Variants in SLC24A1 observed in about 807,000 individuals in gnomAD.
SLC24A1 encodes solute carrier family 24 member 1, also known as sodium/potassium/calcium exchanger 1.
A neutral mutation model predicts 88.1 loss-of-function variants in SLC24A1; 52 were observed. That is an observed-to-expected ratio of 0.59 (90% CI 0.47 to 0.74). SLC24A1 has a LOEUF of 0.74. Among genes scored for constraint, SLC24A1 ranks in the 30% least tolerant of loss-of-function variants. The pLI, the probability that SLC24A1 is intolerant of heterozygous loss-of-function variation, is 0.00. For missense variants in SLC24A1, 1,173 were observed against 1,363.3 expected (o/e 0.86, Z 2.20); for synonymous variants, 455 against 498.0 (o/e 0.91, Z 1.15).
chr15:65,615,126 T>C (rs912793217), intron 2 of SLC24A1, among the ~76,000 whole-genome samples: 1 of 152,160 alleles, frequency 6.6e-6, no homozygotes, highest in Non-Finnish European at 1.5e-5. Flanking sequence ...GGCAGGAGGA[T>C]TGTTTGAGCC....
Position 65,635,619 on chromosome 15 carries a change from C to T in SLC24A1, c.1891-2509C>T, listed in dbSNP as rs901383052. 2.0e-5 allele frequency among the ~76,000 whole-genome samples: 3 copies of T among 152,204 alleles called. No individual in the cohort carries two copies. The East Asian group carries it at 5.8e-4, about 29-fold the overall frequency. ...AGTTGGGGGGATTTCTTAAAATGCACAGTGCCCCCTTCATATGCAGATTGG... is the reference window on the plus strand; with the variant it reads ...AGTTGGGGGGATTTCTTAAAATGCATAGTGCCCCCTTCATATGCAGATTGG... On this transcript the variant is annotated intron_variant, in intron 2 of 9. Coordinates refer to ENST00000261892, the MANE Select transcript of SLC24A1 (RefSeq NM_004727.3).
intron 4 of SLC24A1, among the ~76,000 whole-genome samples, chr15:65,641,565 A>G (rs1415252067): frequency 6.6e-6 from 1 of 152,246 alleles, no homozygotes; most frequent in African/African-American, 2.4e-5. Context: ...CAATTCCTCA[A>G]GGTAAACCTC....
intron 6 of SLC24A1, among the ~76,000 whole-genome samples, chr15:65,649,061 A>G (rs1459130188): frequency 2.0e-5 from 3 of 152,154 alleles, no homozygotes; most frequent in South Asian, 2.1e-4. Context: ...TTCCAATTCT[A>G]AAGATTCTAA....
upstream of SLC24A1, among the ~76,000 whole-genome samples, chr15:65,619,400 G>T (rs2074248796): frequency 6.6e-6 from 1 of 152,052 alleles, no homozygotes; most frequent in Admixed American, 6.6e-5. Flanking sequence ...ATACTTATTG[G>T]TGGGTCATTT....
chr15:65,639,580 TCTC>T lies in SLC24A1; in HGVS notation c.1945-11_1945-9del. ...CTTGGACAGGGGCCCACTGTGCGGC[TCTC>T]CTCTTGCTCAGCTCCCGTCCTTGCT... is the stretch of plus-strand genomic sequence containing the variant. On this transcript the variant is annotated splice_polypyrimidine_tract_variant and intron_variant, in intron 3 of 9. Transcript: ENST00000261892. 6.6e-7 allele frequency: 1 copy of T among 1,518,594 alleles called. No individual in the cohort carries two copies. 94.1% of individuals were successfully genotyped at this position (1,518,594 alleles called of 1,614,324 possible).
chr15:65,626,448 A>G (rs2074520019), intron 2 of SLC24A1, among the ~76,000 whole-genome samples: 1 of 152,156 alleles, frequency 6.6e-6, no homozygotes, highest in Admixed American at 6.5e-5. Flanking sequence ...ATTTAATCCC[A>G]TTAGTTCACA....
In SLC24A1 at chr15:65,650,682, G is replaced by A. The variant is rs532808985; in HGVS notation, c.2533G>A (p.Glu845Lys). Residue 845 changes from glutamate to lysine, a missense_variant, in exon 7 of 10, where the codon GAG becomes AAG. By Grantham distance (56) the Glu-to-Lys change is moderately conservative. Coordinates refer to ENST00000261892, the MANE Select transcript of SLC24A1 (RefSeq NM_004727.3). This position sits in a 1 kb window ranked among gnomAD's most constrained non-coding sequence, Gnocchi z 4.1. ...AENHGEAKND[E>K]KGVEDGGGSD... is the part of the protein sequence containing the mutation. ...AAATCACGGTGAAGCCAAAAATGATGAGAAAGGTGTAGAAGATGGAGGGGG... is the reference window on the plus strand; with the variant it reads ...AAATCACGGTGAAGCCAAAAATGATAAGAAAGGTGTAGAAGATGGAGGGGG... 93 of 1,547,640 alleles carry A rather than the reference G, an allele frequency of 6.0e-5. 2 individuals are homozygous for A. The South Asian group carries it at 8.5e-4, about 14-fold the overall frequency.
At chr15:65,657,305 G>A (rs746411369), downstream of SLC24A1, among the ~76,000 whole-genome samples, 3 of 152,150 alleles carry the variant, frequency 2.0e-5, no homozygotes, top group Non-Finnish European at 2.9e-5. Flanking sequence ...TACCAAAGGG[G>A]GCAGGAATTG....
upstream of SLC24A1, among the ~76,000 whole-genome samples, chr15:65,617,402 G>A (rs192242733): frequency 1.0e-3 from 154 of 152,096 alleles, no homozygotes; most frequent in Non-Finnish European, 1.8e-3. Context: ...CTTTTATTTC[G>A]TTGAGCAGTG....
At chr15:65,660,003 C>G, downstream of SLC24A1, 1 of 331,544 alleles carries the variant, frequency 3.0e-6, no homozygotes, top group Non-Finnish European at 5.5e-6. Flanking sequence ...AGAAGAGAAC[C>G]CCAGACGGTT....
In SLC24A1 at chr15:65,624,868, AG is replaced by A; in HGVS notation, c.790del (p.Val264Ter). The A allele has an allele frequency of 6.2e-7, 1 of 1,614,030 alleles. No individual in the cohort carries two copies. The highest frequency in any genetic ancestry group is 8.5e-7 in the Non-Finnish European group (1 of 1,179,882). On this transcript the variant is annotated frameshift_variant, in exon 2 of 10. Coordinates refer to ENST00000261892, the MANE Select transcript of SLC24A1 (RefSeq NM_004727.3). LOFTEE classifies it high-confidence loss of function. The stretch of plus-strand genomic sequence containing the variant: ...AGCACCCCAACTTTTCTGACACATG[AG>A]GTAGAAGCAAACGTCTTGACTTCTC... ...FDSTPTFLTH[E>X]VEANVLTSPR... is the part of the protein sequence containing the mutation.
rs527507348 is a variant in SLC24A1, at chr15:65,647,409, C to T, written c.2232+1706C>T. 4.3e-5 allele frequency among the ~76,000 whole-genome samples: 6 copies of T among 138,496 alleles called. No individual in the cohort carries two copies. In the East Asian group the frequency reaches 1.4e-3, roughly 33 times the overall value. The allele number at this position is 138,496 out of a possible 152,430, so 90.9% of individuals were successfully genotyped here. On this transcript the variant is annotated intron_variant, in intron 6 of 9. Transcript: ENST00000261892. ...AGGAGAATCACTTGAACTGTGGAGG[C>T]GGAGACTGCAGTGAGCAGAAGTCGC...
At position 65,644,513 on chromosome 15, in the gene SLC24A1, G is replaced by A; in HGVS notation, c.2140G>A (p.Glu714Lys). ...GGCCAAAGCAGAAAGCAAACCAGAAGGTGAGAGGATGGCCAGACCAGTGGG... is the reference window on the plus strand; with the variant it reads ...GGCCAAAGCAGAAAGCAAACCAGAAAGTGAGAGGATGGCCAGACCAGTGGG... ...PQAKAESKPE[E>K]EEPAKLPAVT... The change falls in exon 5 of 10, where the codon GAG becomes AAG. Residue 714 changes from glutamate (E) to lysine (K), a missense_variant and splice_region_variant. By Grantham distance (56) the Glu-to-Lys change is moderately conservative. Transcript: ENST00000261892. 1 of 1,577,346 alleles carries A rather than the reference G, an allele frequency of 6.3e-7. No homozygotes were observed. The highest frequency in any genetic ancestry group is 1.2e-5 in the South Asian group (1 of 85,784).
At position 65,650,842 on chromosome 15, in the gene SLC24A1, C is replaced by T. The variant is rs1187172711; in HGVS notation, c.2693C>T (p.Ser898Phe). 6.2e-7 allele frequency: 1 copy of T among 1,613,784 alleles called. No homozygotes were observed. The highest frequency in any genetic ancestry group is 8.5e-7 in the Non-Finnish European group (1 of 1,179,834). The change falls in exon 7 of 10, where the codon TCC becomes TTC. Residue 898 changes from serine to phenylalanine, a missense_variant. Ser to Phe is a radical substitution (Grantham distance 155). Coordinates refer to ENST00000261892, the MANE Select transcript of SLC24A1 (RefSeq NM_004727.3). This position sits in a 1 kb window ranked among gnomAD's most constrained non-coding sequence, Gnocchi z 4.1. ...EEEKGNEEPLSLDWPETRQKQ... is the reference protein window; with the variant it reads ...EEEKGNEEPLFLDWPETRQKQ... The stretch of plus-strand genomic sequence containing the variant: ...GAGAAGGGAAATGAAGAGCCTCTGT[C>T]CCTGGACTGGCCTGAAACCAGGCAG...
intron 8 of SLC24A1, chr15:65,652,119 A>G (rs2075529442): frequency 2.7e-6 from 1 of 365,328 alleles, no homozygotes; most frequent in Admixed American, 3.9e-5. Flanking sequence ...CTGGCATTCA[A>G]TTAGTCTTCC....
chr15:65,650,697 G>C lies in SLC24A1; in HGVS notation c.2548G>C (p.Asp850His). ...EAKNDEKGVE[D>H]GGGSDGGDSE... ...CAAAAATGATGAGAAAGGTGTAGAA[G>C]ATGGAGGGGGAAGTGATGGAGGGGA... is the stretch of plus-strand genomic sequence containing the variant. The change falls in exon 7 of 10, where the codon GAT becomes CAT. Residue 850 changes from aspartate to histidine, a missense_variant. Asp to His is a moderately conservative substitution (Grantham distance 81). Transcript: ENST00000261892. This position sits in a 1 kb window ranked among gnomAD's most constrained non-coding sequence, Gnocchi z 4.1. The C allele has an allele frequency of 6.4e-7, 1 of 1,552,246 alleles. No individual in the cohort carries two copies. Among genetic ancestry groups the C allele is most frequent in the Non-Finnish European group, 8.7e-7 (1 of 1,147,058 alleles).
At chr15:65,638,984 G>A (rs549089517) in intron 3 of SLC24A1, among the ~76,000 whole-genome samples, 1 of 152,172 alleles carries the variant, frequency 6.6e-6, no homozygotes, top group Non-Finnish European at 1.5e-5. Context: ...GTACCTGTGA[G>A]GGTCTCTGAG....
At position 65,624,433 on chromosome 15, in the gene SLC24A1, C is replaced by G. The variant is rs201751369; in HGVS notation, c.353C>G (p.Thr118Arg). ...AATATCCCCAGTATGCCTAAAAGAA[C>G]AGCCAAGATGATCCCAACAACAACC... ...VENIPSMPKR[T>R]AKMIPTTTKN... Residue 118 changes from threonine (T) to arginine (R), a missense_variant, in exon 2 of 10, where the codon ACA (threonine) becomes AGA (arginine). Physicochemically the swap from Thr to Arg is moderately conservative, Grantham distance 71. Coordinates refer to ENST00000261892, the MANE Select transcript of SLC24A1 (RefSeq NM_004727.3). 121 of 1,612,450 alleles carry G rather than the reference C, an allele frequency of 7.5e-5. No homozygotes were observed. The highest frequency in any genetic ancestry group is 3.4e-6 in the Non-Finnish European group (4 of 1,179,254).
Position 65,655,904 on chromosome 15 carries a change from T to C in SLC24A1, c.*1825T>C. On this transcript the variant is annotated 3_prime_UTR_variant, in exon 10 of 10. Coordinates refer to ENST00000261892, the MANE Select transcript of SLC24A1 (RefSeq NM_004727.3). ...TGGGCTCATCCTTATCTTTAGGTCA[T>C]TTGGTCAGAATCCTCCCGAGAAGAC... 3.0e-6 allele frequency: 3 copies of C among 985,384 alleles called. No homozygotes were observed. Among genetic ancestry groups the C allele is most frequent in the Non-Finnish European group, 3.6e-6 (3 of 829,876 alleles). 61.0% of individuals were successfully genotyped at this position (985,384 alleles called of 1,614,324 possible).
Sources: allele counts gnomAD v4.1 joint callset (sites outside exome capture counted in the v4.1 genomes callset), GRCh38; gene constraint gnomAD v4.1.1; non-coding constraint Gnocchi (gnomAD v3.1); transcripts MANE v1.5; gene names NCBI Gene and HGNC (gene_info 2026-07-23, HGNC 2026-07-21).